Variants in MTIF2 observed in about 807,000 individuals in gnomAD.
MTIF2 encodes mitochondrial translational initiation factor 2, also known as translation initiation factor IF-2, mitochondrial.
In MTIF2, 71 loss-of-function variants were observed where a neutral mutation model predicts 83.5. The observed-to-expected ratio is 0.85, with a 90% CI of 0.70 to 1.04. The LOEUF is 1.04. Among genes scored for constraint, MTIF2 ranks in the 50% least tolerant of loss-of-function variants. The probability of loss-of-function intolerance (pLI) is 0.00; values close to 1 mark genes in which losing one functional copy is unlikely to be tolerated. For missense variants in MTIF2, 957 were observed against 846.5 expected, an observed-to-expected ratio of 1.13 and a Z score of -1.62; for synonymous variants, 319 against 287.1, an observed-to-expected ratio of 1.11 and a Z score of -1.12.
At chr2:55,249,870 T>A (rs568271997) in intron 8 of MTIF2, among the ~76,000 whole-genome samples, 3 of 152,022 alleles carry the variant, frequency 2.0e-5, no homozygotes, top group African/African-American at 7.2e-5. Flanking sequence ...GGCGGGTGGA[T>A]CACCTGAGGT....
In MTIF2 at chr2:55,236,622, G is replaced by T; in HGVS notation, c.*26C>A. 6.4e-7 allele frequency: 1 copy of T among 1,560,004 alleles called. No homozygotes were observed. Among genetic ancestry groups the T allele is most frequent in the Non-Finnish European group, 8.6e-7 (1 of 1,157,372 alleles). ...TCTACCTTCAAACAAACAACACGTT[G>T]AGTTATTTACATTTTTAATGTAATT... is the stretch of plus-strand genomic sequence containing the variant. On this transcript the variant is annotated 3_prime_UTR_variant, in exon 16 of 16. Transcript: ENST00000263629.
chr2:55,267,977 G>C (rs1482106531), intron 2 of MTIF2, among the ~76,000 whole-genome samples: 1 of 152,198 alleles, frequency 6.6e-6, no homozygotes, highest in African/African-American at 2.4e-5. Context: ...TTCAGGCTGG[G>C]CGTGATGGCT....
chr2:55,247,031 C>G (rs894642075), intron 9 of MTIF2, among the ~76,000 whole-genome samples: 1 of 152,008 alleles, frequency 6.6e-6, no homozygotes, highest in Non-Finnish European at 1.5e-5. Context: ...AGCTGTGCAG[C>G]CTTTAAAAAA....
At chr2:55,266,457 C>G (rs970997697) in intron 3 of MTIF2, 1 of 150,062 alleles carries the variant, frequency 6.7e-6, no homozygotes, top group South Asian at 2.1e-4. Context: ...ACCCGGGAGA[C>G]AGAGGTTGCA....
chr2:55,266,304 A>T (rs972997789), intron 3 of MTIF2: 3 of 152,110 alleles, frequency 2.0e-5, no homozygotes, highest in African/African-American at 7.2e-5. Flanking sequence ...CAGGCAGATC[A>T]TTTGAGGTCA....
intron 5 of MTIF2, among the ~76,000 whole-genome samples, chr2:55,257,243 G>A (rs1181918567): frequency 6.6e-6 from 1 of 152,184 alleles, no homozygotes; most frequent in Non-Finnish European, 1.5e-5. Context: ...ACTTTGGGAG[G>A]CCGAGGTGGG....
chr2:55,254,485 T>C (rs1438194966), intron 6 of MTIF2, among the ~76,000 whole-genome samples, 169 bp downstream of exon 6: 1 of 152,244 alleles, frequency 6.6e-6, no homozygotes, highest in Non-Finnish European at 1.5e-5. Context: ...TAAAGTTTTA[T>C]AATAACTTGA....
chr2:55,245,226 G>A (rs2589082), intron 10 of MTIF2, among the ~76,000 whole-genome samples: 147,413 of 152,320 alleles, frequency 0.97, 71,384 homozygotes, highest in African/African-American at 0.99. Context: ...GCACAAAATT[G>A]AAACACAAAA....
chr2:55,244,608 T>A (rs993638460), intron 10 of MTIF2, among the ~76,000 whole-genome samples: 7 of 152,210 alleles, frequency 4.6e-5, no homozygotes, highest in Non-Finnish European at 7.3e-5. Flanking sequence ...AGGAATATTA[T>A]ACAGTCTTTA....
intron 12 of MTIF2, 102 bp from the exon 13 acceptor site, chr2:55,243,182 T>G: frequency 8.0e-7 from 1 of 1,247,892 alleles, no homozygotes; most frequent in Non-Finnish European, 1.1e-6. Context: ...GAATGTCATT[T>G]ATCACTAAAT....
intron 7 of MTIF2, among the ~76,000 whole-genome samples, chr2:55,252,899 A>C (rs377074874): frequency 2.4e-4 from 36 of 152,286 alleles, no homozygotes; most frequent in African/African-American, 8.2e-4. Context: ...CTAGAACATA[A>C]CTACTTTCAT....
intron 5 of MTIF2, among the ~76,000 whole-genome samples, chr2:55,255,435 ATTATG>A (rs1262815085): frequency 2.1e-5 from 3 of 144,264 alleles, no homozygotes; most frequent in African/African-American, 5.0e-5. Flanking sequence ...AATATGATAT[ATTATG>A]TATAATATAT....
At position 55,267,596 on chromosome 2, in the gene MTIF2, G is replaced by T; in HGVS notation, c.-35C>A. The T allele has an allele frequency of 6.0e-6, 1 of 166,782 alleles. No individual in the cohort carries two copies. 10.3% of individuals were successfully genotyped at this position (166,782 alleles called of 1,614,324 possible). On this transcript the variant is annotated 5_prime_UTR_variant, in exon 3 of 16. In the 5' UTR this introduces an upstream ATG that the reference lacks. Coordinates refer to ENST00000263629, the MANE Select transcript of MTIF2 (RefSeq NM_002453.3). ...TGACAGTCAGTGTTATCTGGACTCA[G>T]CAAGTCACTTGTTTCCTATGGGCCT...
chr2:55,244,670 T>G (rs1018014885), intron 10 of MTIF2, among the ~76,000 whole-genome samples: 3 of 151,966 alleles, frequency 2.0e-5, no homozygotes, highest in African/African-American at 7.3e-5. Flanking sequence ...ATCCCAGCAC[T>G]TTTGAAGGCC....
chr2:55,256,203 T>C (rs1322830918), intron 5 of MTIF2, among the ~76,000 whole-genome samples: 1 of 151,802 alleles, frequency 6.6e-6, no homozygotes, highest in Non-Finnish European at 1.5e-5. Flanking sequence ...GCAAATACAT[T>C]TTGTTGAGTA....
chr2:55,260,493 C>T (rs1677885018), intron 5 of MTIF2, among the ~76,000 whole-genome samples: 1 of 151,624 alleles, frequency 6.6e-6, no homozygotes, highest in Non-Finnish European at 1.5e-5. Flanking sequence ...CACTTTCAGG[C>T]AGGAAACACA....
intron 5 of MTIF2, among the ~76,000 whole-genome samples, chr2:55,256,040 C>T (rs1157331937): frequency 6.6e-6 from 1 of 152,042 alleles, no homozygotes; most frequent in Non-Finnish European, 1.5e-5. Context: ...CCATCCCTGG[C>T]TAATTTTTCT....
rs1459173455 is a variant in MTIF2 at position 55,243,035 on chromosome 2, G to T, written c.1610C>A (p.Thr537Asn). The T allele has an allele frequency of 6.8e-6, 11 of 1,611,788 alleles. No individual in the cohort carries two copies. The highest frequency in any genetic ancestry group is 3.4e-6 in the Non-Finnish European group (4 of 1,178,874). Residue 537 changes from threonine to asparagine, a missense_variant, in exon 13 of 16, where the codon ACC becomes AAC. Physicochemically the swap from Thr to Asn is moderately conservative, Grantham distance 65. This residue lies in a region of MTIF2 where 733 missense variants were observed against 648.7 expected (regional missense o/e 1.13). Coordinates refer to ENST00000263629, the MANE Select transcript of MTIF2 (RefSeq NM_002453.3). ...SVEAILNIID[T>N]YDASHECELE... ...TTCACACTCGTGTGAAGCATCATAG[G>T]TATCTATAATGTTCAAAATGGCCTC...
chr2:55,262,397 A>C lies in MTIF2; in HGVS notation c.250T>G (p.Ser84Ala). 1.9e-6 allele frequency: 3 copies of C among 1,613,448 alleles called. No homozygotes were observed. Among genetic ancestry groups the C allele is most frequent in the Non-Finnish European group, 2.5e-6 (3 of 1,179,620 alleles). Residue 84 changes from serine (S) to alanine (A), a missense_variant, in exon 5 of 16, where the codon TCA (serine) becomes GCA (alanine). By Grantham distance (99) the Ser-to-Ala change is moderately conservative. Around this residue, in one of 3 missense-constraint regions of MTIF2, gnomAD observed 733 missense variants for 648.7 expected, o/e 1.13. Transcript: ENST00000263629. ...TCTACCACCTTTTTAGATTTTGTTG[A>C]AGATAACTGAGATTTCCATGGTCCT... Reference protein sequence around the residue: ...EEGPWKSQLSSTKSKKVVEVW... With the variant: ...EEGPWKSQLSATKSKKVVEVW...
Sources: gnomAD v4.1 joint callset for allele counts (sites outside exome capture counted in the v4.1 genomes callset) on GRCh38, gnomAD v4.1.1 for gene constraint, gnomAD v4.1.1 regional missense constraint, MANE v1.5 for transcripts, NCBI Gene and HGNC (gene_info 2026-07-23, HGNC 2026-07-21) for gene names.